The following GRIN2A variants were observed in gnomAD, a reference collection of about 807,000 sequenced individuals.
The protein encoded by GRIN2A is glutamate receptor ionotropic, NMDA 2A.
In GRIN2A, 22 loss-of-function variants were observed where a neutral mutation model predicts 113.4. The ratio of observed to expected loss-of-function variants is 0.19; its 90% CI spans 0.14 to 0.28. GRIN2A has a LOEUF of 0.28. Ranked by LOEUF, GRIN2A falls within the 10% of genes least tolerant of loss-of-function variation. The probability of loss-of-function intolerance (pLI) is 1.00; values close to 1 mark genes in which losing one functional copy is unlikely to be tolerated. For missense variants in GRIN2A, 1,502 were observed against 1,887.0 expected (o/e 0.80, Z 3.78); for synonymous variants, 827 against 738.4 (o/e 1.12, Z -1.94).
chr16:10,015,266 A>G (rs1229611947), intron 2 of GRIN2A, among the ~76,000 whole-genome samples: 1 of 130,188 alleles, frequency 7.7e-6, no homozygotes, highest in Non-Finnish European at 1.6e-5. Context: ...AAAAAAAAAA[A>G]AAAAAGAAAA....
intron 11 of GRIN2A, among the ~76,000 whole-genome samples, chr16:9,779,233 A>G (rs1037175016): frequency 1.3e-5 from 2 of 152,226 alleles, no homozygotes; most frequent in Non-Finnish European, 2.9e-5. Context: ...GGCTTCAGCC[A>G]TTTGGGTGTG....
At position 9,754,603 on chromosome 16, in the gene GRIN2A, C is replaced by T. The variant is rs1900284231; in HGVS notation, c.*8546G>A. 4.7e-6 allele frequency: 1 copy of T among 214,990 alleles called. No individual in the cohort carries two copies. Among genetic ancestry groups the T allele is most frequent in the Non-Finnish European group, 9.4e-6 (1 of 106,820 alleles). The allele number at this position is 214,990 out of a possible 1,614,324, so 13.3% of individuals were successfully genotyped here. ...GAAACATTTACGTAAGTGGTCATGG[C>T]CCCAGAGCTTTTCTACAAACTTAAT... On this transcript the variant is annotated 3_prime_UTR_variant, in exon 13 of 13. Coordinates refer to ENST00000330684, the MANE Select transcript of GRIN2A (RefSeq NM_001134407.3).
intron 2 of GRIN2A, among the ~76,000 whole-genome samples, chr16:10,051,428 T>C (rs2047358304): frequency 6.6e-6 from 1 of 152,178 alleles, no homozygotes; most frequent in Non-Finnish European, 1.5e-5. Flanking sequence ...GGGCATTGCC[T>C]TTTCACAGGA....
At chr16:10,098,629 A>G (rs1221972701) in intron 2 of GRIN2A, among the ~76,000 whole-genome samples, 1 of 152,196 alleles carries the variant, frequency 6.6e-6, no homozygotes, top group African/African-American at 2.4e-5. Context: ...ACTCAGCCTT[A>G]AAAAGGAATG....
At chr16:10,119,931 A>G (rs11640425) in intron 2 of GRIN2A, among the ~76,000 whole-genome samples, 125,759 of 152,162 alleles carry the variant, frequency 0.83, 53,211 homozygotes, top group East Asian at 0.92. Flanking sequence ...TTTTATGGCT[A>G]TGTAGTACTC....
intron 10 of GRIN2A, among the ~76,000 whole-genome samples, chr16:9,819,903 A>G (rs1468338522): frequency 1.4e-5 from 2 of 143,342 alleles, no homozygotes; most frequent in Non-Finnish European, 3.0e-5. Flanking sequence ...CATGAGCAAC[A>G]AGAGCGAAAC....
At chr16:9,892,643 A>G (rs1460370243) in intron 3 of GRIN2A, among the ~76,000 whole-genome samples, 3 of 152,100 alleles carry the variant, frequency 2.0e-5, no homozygotes, top group Non-Finnish European at 4.4e-5. Context: ...CAACATTTAT[A>G]CCCTCATCAC....
intron 3 of GRIN2A, among the ~76,000 whole-genome samples, chr16:9,923,575 GT>G (rs973326567): frequency 6.6e-6 from 1 of 151,580 alleles, no homozygotes; most frequent in African/African-American, 2.4e-5. Flanking sequence ...GAGCATTGGG[GT>G]TTTTTTAATG....
chr16:10,071,528 G>A (rs770342548), intron 2 of GRIN2A, among the ~76,000 whole-genome samples: 4 of 152,182 alleles, frequency 2.6e-5, no homozygotes, highest in Non-Finnish European at 4.4e-5. Context: ...AACTTCAAGT[G>A]CATTATGCCC....
chr16:10,179,882 A>ACCCCCCCC, intron 2 of GRIN2A, 116 bp downstream of exon 2: 1 of 323,746 alleles, frequency 3.1e-6, no homozygotes, highest in Non-Finnish European at 6.4e-6. Context: ...CGACCCTCCC[A>ACCCCCCCC]CCCCCACCCC....
At position 9,889,154 on chromosome 16, in the gene GRIN2A, C is replaced by G. The variant is rs548191130; in HGVS notation, c.1122+1832G>C. Among the ~76,000 whole-genome samples the G allele has an allele frequency of 2.6e-5, 4 of 152,200 alleles. No homozygotes were observed. In the South Asian group the frequency reaches 8.3e-4, roughly 32 times the overall value. ...TTTTCAGTTTTTCAGCAAATATGAGCTATTCAGATCGTCAATACCTACATC... is the reference window on the plus strand; with the variant it reads ...TTTTCAGTTTTTCAGCAAATATGAGGTATTCAGATCGTCAATACCTACATC... On this transcript the variant is annotated intron_variant, in intron 4 of 12. Coordinates refer to ENST00000330684, the MANE Select transcript of GRIN2A (RefSeq NM_001134407.3).
chr16:9,883,791 T>C (rs1464493869), intron 4 of GRIN2A, among the ~76,000 whole-genome samples: 1 of 152,200 alleles, frequency 6.6e-6, no homozygotes, highest in Non-Finnish European at 1.5e-5. Context: ...CTGGTTGTAT[T>C]TCTGTGCAAA....
chr16:10,009,361 T>G (rs368569623), intron 2 of GRIN2A, among the ~76,000 whole-genome samples: 1 of 150,430 alleles, frequency 6.6e-6, no homozygotes, highest in Admixed American at 6.6e-5. Context: ...CACAGAGAGG[T>G]AGAAGGTAGG....
At position 9,762,964 on chromosome 16, in the gene GRIN2A, A is replaced by T; in HGVS notation, c.*185T>A. On this transcript the variant is annotated 3_prime_UTR_variant, in exon 13 of 13. Transcript: ENST00000330684. ...CTGCCATGCTCAGCACACACCTCAC[A>T]AGATTCCTTGAGTGGAAGATTATGG... 1 of 651,166 alleles carries T rather than the reference A, an allele frequency of 1.5e-6. No homozygotes were observed. 40.3% of individuals were successfully genotyped at this position (651,166 alleles called of 1,614,324 possible).
chr16:10,051,060 G>T (rs1231275829), intron 2 of GRIN2A, among the ~76,000 whole-genome samples: 2 of 152,116 alleles, frequency 1.3e-5, no homozygotes, highest in African/African-American at 4.8e-5. Context: ...GTAGTTAGGT[G>T]GTAGGATGAT....
chr16:9,788,828 C>T (rs193158825), intron 11 of GRIN2A, among the ~76,000 whole-genome samples: 36 of 151,186 alleles, frequency 2.4e-4, no homozygotes, highest in South Asian at 1.5e-3. Context: ...CTGCAAACTC[C>T]GCCTCCTGGG....
intron 3 of GRIN2A, among the ~76,000 whole-genome samples, chr16:9,919,426 T>C (rs2044316482): frequency 6.6e-6 from 1 of 152,156 alleles, no homozygotes; most frequent in South Asian, 2.1e-4. Context: ...TTAGATAGTG[T>C]GCCCATTCCT....
intron 2 of GRIN2A, among the ~76,000 whole-genome samples, chr16:10,014,551 T>C (rs2046567139): frequency 6.6e-6 from 1 of 152,138 alleles, no homozygotes; most frequent in Non-Finnish European, 1.5e-5. Context: ...CTTAGATTAC[T>C]CAGTCTAGCA....
chr16:9,912,737 G>A (rs1221940499), intron 3 of GRIN2A, among the ~76,000 whole-genome samples: 5 of 152,156 alleles, frequency 3.3e-5, no homozygotes, highest in Non-Finnish European at 7.3e-5. Flanking sequence ...AGAGAGCCTG[G>A]AACATAGTAA....
Sources: gnomAD v4.1 joint callset for allele counts (sites outside exome capture counted in the v4.1 genomes callset) on GRCh38, gnomAD v4.1.1 for gene constraint, MANE v1.5 for transcripts, NCBI Gene and HGNC (gene_info 2026-07-23, HGNC 2026-07-21) for gene names.